Variants in PTPN4 observed in about 807,000 individuals in gnomAD.
The protein encoded by PTPN4 is protein tyrosine phosphatase non-receptor type 4, also known as tyrosine-protein phosphatase non-receptor type 4.
A neutral mutation model predicts 135.5 loss-of-function variants in PTPN4; 49 were observed. The ratio of observed to expected loss-of-function variants is 0.36; its 90% CI spans 0.29 to 0.46. The LOEUF is 0.46. Ranked by LOEUF, PTPN4 falls within the 20% of genes least tolerant of loss-of-function variation. The pLI is 1.00. For synonymous variants in PTPN4, 333 were observed against 369.9 expected (o/e 0.90, Z 1.14); for missense variants, 860 against 1,101.0 (o/e 0.78, Z 3.10).
intron 1 of PTPN4, among the ~76,000 whole-genome samples, chr2:119,763,262 TAGTA>T (rs1162165329): frequency 2.6e-5 from 4 of 152,178 alleles, no homozygotes; most frequent in Non-Finnish European, 4.4e-5. Flanking sequence ...TTGAATTAAT[TAGTA>T]AGAACAAAAT....
chr2:119,769,487 T>C (rs1008594668), intron 1 of PTPN4, among the ~76,000 whole-genome samples: 4 of 152,340 alleles, frequency 2.6e-5, no homozygotes, highest in Non-Finnish European at 5.9e-5. Context: ...GCTGAAATGC[T>C]AAGGTTCTTC....
At chr2:119,859,458 C>T (rs760696566) in intron 2 of PTPN4, among the ~76,000 whole-genome samples, 6 of 152,178 alleles carry the variant, frequency 3.9e-5, no homozygotes, top group African/African-American at 1.2e-4. Context: ...GTAGTCAGTT[C>T]GTTGTTAAGT....
intron 13 of PTPN4, among the ~76,000 whole-genome samples, chr2:119,927,733 T>G (rs1410318380): frequency 6.6e-6 from 1 of 152,208 alleles, no homozygotes; most frequent in Non-Finnish European, 1.5e-5. Context: ...TTTTAATTAG[T>G]TATGTGTTTG....
At chr2:119,820,831 C>CAT (rs970987610) in intron 2 of PTPN4, among the ~76,000 whole-genome samples, 9 of 129,154 alleles carry the variant, frequency 7.0e-5, no homozygotes, top group South Asian at 2.4e-4. Flanking sequence ...TGGACTTGCA[C>CAT]ATATATATAT....
chr2:119,873,725 G>A (rs1434166993), intron 3 of PTPN4, among the ~76,000 whole-genome samples: 15 of 152,120 alleles, frequency 9.9e-5, no homozygotes. Flanking sequence ...AAAATATTAT[G>A]ACATTTAAAA....
At chr2:119,851,401 A>G (rs899872007) in intron 2 of PTPN4, among the ~76,000 whole-genome samples, 3 of 152,176 alleles carry the variant, frequency 2.0e-5, no homozygotes, top group Admixed American at 6.5e-5. Context: ...GTGCACTTGG[A>G]AGAGACCCAA....
At chr2:119,850,491 C>A (rs1310321661) in intron 2 of PTPN4, among the ~76,000 whole-genome samples, 2 of 152,204 alleles carry the variant, frequency 1.3e-5, no homozygotes, top group Non-Finnish European at 2.9e-5. Context: ...GATAATGTTG[C>A]TGGGAAGCAT....
intron 10 of PTPN4, among the ~76,000 whole-genome samples, chr2:119,908,864 T>TA (rs770451136): frequency 7.9e-5 from 12 of 152,190 alleles, no homozygotes; most frequent in Non-Finnish European, 1.2e-4. Context: ...ACCCAAATGA[T>TA]ACAAAAGTGA....
chr2:119,977,659 A>G lies in PTPN4; in HGVS notation c.*589A>G, dbSNP rs1428114470. 1 of 152,176 alleles carries G rather than the reference A, an allele frequency of 6.6e-6. No homozygotes were observed. The highest frequency in any genetic ancestry group is 2.4e-5 in the African/African-American group (1 of 41,442). The allele number at this position is 152,176 out of a possible 1,614,324, so 9.4% of individuals were successfully genotyped here. A position where few individuals can be genotyped will look rare whatever the true frequency, so the allele number is the denominator to read the frequency against. On this transcript the variant is annotated 3_prime_UTR_variant, in exon 27 of 27. Coordinates refer to ENST00000263708, the MANE Select transcript of PTPN4 (RefSeq NM_002830.4). Reference sequence around the variant, plus strand: ...TTGCTGTTCCCAGGAAATGCTGCACATTGTCCATTTACCAGCATCTTATAG... The same window carrying G: ...TTGCTGTTCCCAGGAAATGCTGCACGTTGTCCATTTACCAGCATCTTATAG...
At chr2:119,940,337 T>C (rs571845623) in intron 15 of PTPN4, among the ~76,000 whole-genome samples, 1 of 152,356 alleles carries the variant, frequency 6.6e-6, no homozygotes, top group Admixed American at 6.5e-5. Context: ...ATTTTATCTG[T>C]ATCTAATGTA....
At chr2:119,817,050 C>T (rs1243067977) in intron 2 of PTPN4, among the ~76,000 whole-genome samples, 1 of 152,188 alleles carries the variant, frequency 6.6e-6, no homozygotes, top group East Asian at 1.9e-4. Context: ...GCTGTGTGAA[C>T]AGACCTGAGT....
intron 1 of PTPN4, among the ~76,000 whole-genome samples, chr2:119,766,314 A>G (rs1333542746): frequency 6.6e-6 from 1 of 152,272 alleles, no homozygotes; most frequent in African/African-American, 2.4e-5. Context: ...CTATGGAATC[A>G]GAAATAAATA....
intron 9 of PTPN4, among the ~76,000 whole-genome samples, chr2:119,895,844 G>A (rs796295529): frequency 3.9e-5 from 6 of 151,930 alleles, no homozygotes; most frequent in African/African-American, 1.4e-4. Flanking sequence ...GTGAACCCAG[G>A]AGGCGGAGCT....
chr2:119,889,382 T>C (rs1026464791), intron 9 of PTPN4, among the ~76,000 whole-genome samples: 1 of 152,076 alleles, frequency 6.6e-6, no homozygotes. Flanking sequence ...ATGGCGCCAC[T>C]GCACTCCAGC....
intron 1 of PTPN4, among the ~76,000 whole-genome samples, chr2:119,806,668 C>T (rs771648864): frequency 2.0e-5 from 3 of 152,124 alleles, no homozygotes; most frequent in African/African-American, 4.8e-5. Flanking sequence ...GACAGATCAG[C>T]GAGGCAGAAG....
chr2:119,775,734 C>T (rs1690822693), intron 1 of PTPN4, among the ~76,000 whole-genome samples: 1 of 152,150 alleles, frequency 6.6e-6, no homozygotes, highest in Non-Finnish European at 1.5e-5. Context: ...AGACTTTGTC[C>T]AGATGTTGTG....
intron 9 of PTPN4, among the ~76,000 whole-genome samples, chr2:119,888,781 G>A (rs1437216038): frequency 6.6e-6 from 1 of 152,120 alleles, no homozygotes; most frequent in Non-Finnish European, 1.5e-5. Context: ...ATATTGGCCT[G>A]TAGTTTTCTT....
chr2:119,959,355 C>G (rs866689942), intron 22 of PTPN4, among the ~76,000 whole-genome samples: 8 of 152,150 alleles, frequency 5.3e-5, no homozygotes, highest in Non-Finnish European at 1.0e-4. Flanking sequence ...ATGAAAACTT[C>G]AAGGAATTAC....
chr2:119,834,703 T>G (rs923775046), intron 2 of PTPN4, among the ~76,000 whole-genome samples: 5 of 152,134 alleles, frequency 3.3e-5, no homozygotes, highest in Non-Finnish European at 7.4e-5. Context: ...CTTGATAATC[T>G]GGGGTAGAGT....
Sources: gnomAD v4.1 joint callset for allele counts (sites outside exome capture counted in the v4.1 genomes callset) on GRCh38, gnomAD v4.1.1 for gene constraint, MANE v1.5 for transcripts, NCBI Gene and HGNC (gene_info 2026-07-23, HGNC 2026-07-21) for gene names.